The following ZNF268 variants were observed in gnomAD, a reference collection of about 807,000 sequenced individuals.
ZNF268 encodes zinc finger protein 3.
A neutral mutation model predicts 29.3 loss-of-function variants in ZNF268; 20 were observed. The ratio of observed to expected loss-of-function variants is 0.68; its 90% CI spans 0.48 to 0.99. ZNF268 has a LOEUF of 0.99. Ranked by LOEUF, ZNF268 falls within the 50% of genes least tolerant of loss-of-function variation. The pLI is 0.00. For synonymous variants in ZNF268, 429 were observed against 376.9 expected, an observed-to-expected ratio of 1.14 and a Z score of -1.60; for missense variants, 1,240 against 1,121.6, an observed-to-expected ratio of 1.11 and a Z score of -1.51.
In ZNF268 at chr12:133,204,525, CAT is replaced by C. The variant is rs754226410; in HGVS notation, c.2840_2841del (p.His947LeufsTer15). ...TCAGAGAACTCATGTAGATGACAAA[CAT>C]TGATAATTTTACGAAACTCTGAAAA... ...MHQRTHVDDKH is the reference protein window; with the variant it reads ...MHQRTHVDDKX On this transcript the variant is annotated frameshift_variant, in exon 6 of 6. Coordinates refer to ENST00000536435, the MANE Select transcript of ZNF268 (RefSeq NM_003415.3). LOFTEE classifies it high-confidence loss of function. 4.6e-5 allele frequency: 69 copies of C among 1,493,298 alleles called. No homozygotes were observed. Among genetic ancestry groups the C allele is most frequent in the Admixed American group, 1.5e-4 (6 of 41,342 alleles). The allele number at this position is 1,493,298 out of a possible 1,614,324, so 92.5% of individuals were successfully genotyped here. A position where few individuals can be genotyped will look rare whatever the true frequency, so the allele number is the denominator to read the frequency against.
intron 2 of ZNF268, 53 bp downstream of exon 2, chr12:133,182,083 G>T: frequency 6.5e-7 from 1 of 1,534,384 alleles, no homozygotes; most frequent in East Asian, 2.5e-5. Context: ...ATGCCAACGT[G>T]TGCGCACTCC....
chr12:133,197,168 C>T (rs1383835885), intron 5 of ZNF268, among the ~76,000 whole-genome samples: 5 of 145,006 alleles, frequency 3.4e-5, no homozygotes, highest in Non-Finnish European at 6.0e-5. Context: ...GGTATATCTC[C>T]CAATGCTATC....
intron 2 of ZNF268, among the ~76,000 whole-genome samples, chr12:133,183,109 A>G (rs1169693676): frequency 6.6e-6 from 1 of 152,170 alleles, no homozygotes; most frequent in African/African-American, 2.4e-5. Context: ...ATGGGACTCT[A>G]ATGCCTGATG....
chr12:133,187,402 G>A (rs1956349359), intron 2 of ZNF268, among the ~76,000 whole-genome samples: 1 of 151,234 alleles, frequency 6.6e-6, no homozygotes, highest in South Asian at 2.1e-4. Context: ...TCGTTTTTCT[G>A]ATTTCTTTTA....
rs773015423 is a variant in ZNF268 at position 133,205,519 on chromosome 12, A to AC, written c.*989_*990insC. 3 of 152,162 alleles carry AC rather than the reference A, an allele frequency of 2.0e-5. No individual in the cohort carries two copies. The highest frequency in any genetic ancestry group is 4.4e-5 in the Non-Finnish European group (3 of 68,022). 9.4% of individuals were successfully genotyped at this position (152,162 alleles called of 1,614,324 possible). ...CTCTGATACTGACAATATCTCTGATATGACAATATCATCTTCCAGAGATTT... is the reference window on the plus strand; with the variant it reads ...CTCTGATACTGACAATATCTCTGATACTGACAATATCATCTTCCAGAGATTT... On this transcript the variant is annotated 3_prime_UTR_variant, in exon 6 of 6. Transcript: ENST00000536435.
intron 3 of ZNF268, among the ~76,000 whole-genome samples, chr12:133,190,309 T>C (rs934256108): frequency 6.6e-6 from 1 of 152,364 alleles, no homozygotes; most frequent in Middle Eastern, 3.4e-3. Context: ...TTCATTTGTA[T>C]AAATACCTGG....
In ZNF268 at chr12:133,208,203, T is replaced by G. The variant is rs1156487066; in HGVS notation, c.*3673T>G. On this transcript the variant is annotated 3_prime_UTR_variant, in exon 6 of 6. Transcript: ENST00000536435. ...CTGTACAAAAACTTTTTAAAAAGATTAGCCAGGTGTGGTCAGGCGCCGTGG... is the reference window on the plus strand; with the variant it reads ...CTGTACAAAAACTTTTTAAAAAGATGAGCCAGGTGTGGTCAGGCGCCGTGG... 1 of 151,664 alleles carries G rather than the reference T, an allele frequency of 6.6e-6. No individual in the cohort carries two copies. Among genetic ancestry groups the G allele is most frequent in the Non-Finnish European group, 1.5e-5 (1 of 67,912 alleles). The allele number at this position is 151,664 out of a possible 1,614,324, so 9.4% of individuals were successfully genotyped here.
Position 133,186,803 on chromosome 12 carries a change from G to A in ZNF268, c.34-1069G>A, listed in dbSNP as rs113485028. Among the ~76,000 whole-genome samples the A allele has an allele frequency of 4.0e-3, 611 of 152,290 alleles. 4 individuals carry two copies. Among genetic ancestry groups the A allele is most frequent in the African/African-American group, 0.014 (585 of 41,554 alleles). ...AGCATAAACCTTGAAAGCATTATGC[G>A]AAGTGAAAGAAGCCAGACACAAAAG... On this transcript the variant is annotated intron_variant, in intron 2 of 5. Transcript: ENST00000536435.
In ZNF268 at chr12:133,212,984, G is replaced by A. The variant is rs1333320365; in HGVS notation, c.*8454G>A. 6.6e-6 allele frequency: 1 copy of A among 152,088 alleles called. No homozygotes were observed. The highest frequency in any genetic ancestry group is 2.4e-5 in the African/African-American group (1 of 41,412). The allele number at this position is 152,088 out of a possible 1,614,324, so 9.4% of individuals were successfully genotyped here. A position where few individuals can be genotyped will look rare whatever the true frequency, so the allele number is the denominator to read the frequency against. ...CCTTCCTCGGCCTCCTGAGTAGCTG[G>A]GATTACAGGCATGTGCCACCATGTA... is the stretch of plus-strand genomic sequence containing the variant. On this transcript the variant is annotated 3_prime_UTR_variant, in exon 6 of 6. Transcript: ENST00000536435.
At chr12:133,198,606 A>C (rs1956674505) in intron 5 of ZNF268, among the ~76,000 whole-genome samples, 1 of 152,078 alleles carries the variant, frequency 6.6e-6, no homozygotes, top group Non-Finnish European at 1.5e-5. Flanking sequence ...ATGGCATTAA[A>C]TCTATAAATT....
intron 3 of ZNF268, 124 bp from the exon 4 acceptor site, chr12:133,191,364 AT>A: frequency 9.7e-7 from 1 of 1,032,780 alleles, no homozygotes; most frequent in Non-Finnish European, 1.4e-6. Flanking sequence ...ATGCACATTG[AT>A]GGATGTTTTC....
In ZNF268 at chr12:133,209,331, C is replaced by T. The variant is rs1271800529; in HGVS notation, c.*4801C>T. On this transcript the variant is annotated 3_prime_UTR_variant, in exon 6 of 6. Transcript: ENST00000536435. ...CCATGTTTTCCAGTCTGGTTTCAAA[C>T]TCCTGGGCTCAAGCAGTCCACCTGC... is the stretch of plus-strand genomic sequence containing the variant. 6.6e-6 allele frequency: 1 copy of T among 152,104 alleles called. No homozygotes were observed. The highest frequency in any genetic ancestry group is 6.6e-5 in the Admixed American group (1 of 15,264). 9.4% of individuals were successfully genotyped at this position (152,104 alleles called of 1,614,324 possible).
rs116911868 is a variant in ZNF268, at chr12:133,184,237, G to A, written c.33+2207G>A. On this transcript the variant is annotated intron_variant, in intron 2 of 5. Coordinates refer to ENST00000536435, the MANE Select transcript of ZNF268 (RefSeq NM_003415.3). ...TCCCCTGCCTCAGCCTCCCAAATAGGACTACAGGCGTGTGCCACCACGCCC... is the reference window on the plus strand; with the variant it reads ...TCCCCTGCCTCAGCCTCCCAAATAGAACTACAGGCGTGTGCCACCACGCCC... Among the ~76,000 whole-genome samples the A allele has an allele frequency of 3.1e-3, 474 of 152,044 alleles. 19 individuals carry two copies. The East Asian group carries it at 0.085, about 27-fold the overall frequency.
At position 133,203,717 on chromosome 12, in the gene ZNF268, T is replaced by C. The variant is rs1259577919; in HGVS notation, c.2031T>C (p.Phe677=). Reference sequence around the variant, plus strand: ...GATGCAGTCAATGTGCAAAAACCTTTAGTTTGAAGTCCCAGCTCATTGTAC... The same window carrying C: ...GATGCAGTCAATGTGCAAAAACCTTCAGTTTGAAGTCCCAGCTCATTGTAC... ...PYGCSQCAKT[F]SLKSQLIVHQ... The change falls in exon 6 of 6, where the codon TTT becomes TTC. Residue 677 remains phenylalanine (F), a synonymous_variant. Transcript: ENST00000536435. 2 of 1,547,238 alleles carry C rather than the reference T, an allele frequency of 1.3e-6. No individual in the cohort carries two copies. The highest frequency in any genetic ancestry group is 1.4e-5 in the African/African-American group (1 of 73,136).
rs976766129 is a variant in ZNF268, at chr12:133,195,058, C to T, written c.457+3055C>T. 1.1e-4 allele frequency among the ~76,000 whole-genome samples: 7 copies of T among 66,148 alleles called. 1 individual carries two copies. The highest frequency in any genetic ancestry group is 2.1e-4 in the Non-Finnish European group (6 of 29,226). The allele number at this position is 66,148 out of a possible 152,430, so 43.4% of individuals were successfully genotyped here. A position where few individuals can be genotyped will look rare whatever the true frequency, so the allele number is the denominator to read the frequency against. The stretch of plus-strand genomic sequence containing the variant: ...GGATAGAGACAAGTCTAGGGTCCCC[C>T]AGTTCCAGGAGGGCAGCAGCAGTGA... On this transcript the variant is annotated intron_variant, in intron 5 of 5. Coordinates refer to ENST00000536435, the MANE Select transcript of ZNF268 (RefSeq NM_003415.3).
At chr12:133,196,529 G>C (rs1228226885) in intron 5 of ZNF268, among the ~76,000 whole-genome samples, 1 of 152,088 alleles carries the variant, frequency 6.6e-6, no homozygotes, top group African/African-American at 2.4e-5. Context: ...GGATGGGTGT[G>C]TTACCAGCAC....
rs1480343038 is a variant in ZNF268, at chr12:133,209,859, C to T, written c.*5329C>T. On this transcript the variant is annotated 3_prime_UTR_variant, in exon 6 of 6. Coordinates refer to ENST00000536435, the MANE Select transcript of ZNF268 (RefSeq NM_003415.3). Reference sequence around the variant, plus strand: ...ACATAGGGTGCACATTTGCCCTTCCCTCTTGGGATCCAGGGTGATCCCACA... The same window carrying T: ...ACATAGGGTGCACATTTGCCCTTCCTTCTTGGGATCCAGGGTGATCCCACA... 1.3e-5 allele frequency: 2 copies of T among 152,236 alleles called. No homozygotes were observed. Among genetic ancestry groups the T allele is most frequent in the African/African-American group, 4.8e-5 (2 of 41,460 alleles). 9.4% of individuals were successfully genotyped at this position (152,236 alleles called of 1,614,324 possible). A position where few individuals can be genotyped will look rare whatever the true frequency, so the allele number is the denominator to read the frequency against.
At chr12:133,183,448 C>T (rs565530255) in intron 2 of ZNF268, among the ~76,000 whole-genome samples, 2 of 150,718 alleles carry the variant, frequency 1.3e-5, no homozygotes, top group South Asian at 2.1e-4. Flanking sequence ...TGCAGTCAGC[C>T]GAGATCGCGC....
intron 5 of ZNF268, among the ~76,000 whole-genome samples, 178 bp downstream of exon 5, chr12:133,192,181 C>T (rs1323981356): frequency 2.7e-5 from 4 of 150,238 alleles, no homozygotes; most frequent in Non-Finnish European, 4.4e-5. Flanking sequence ...GATCTCGGCT[C>T]GCTGCATCCT....
Sources: allele counts gnomAD v4.1 joint callset (sites outside exome capture counted in the v4.1 genomes callset), GRCh38; gene constraint gnomAD v4.1.1; transcripts MANE v1.5; gene names NCBI Gene and HGNC (gene_info 2026-07-23, HGNC 2026-07-21).